The following CLSTN2 variants were observed in gnomAD, a reference collection of about 807,000 sequenced individuals.
CLSTN2 encodes the protein calsyntenin-2.
CLSTN2 carries 48 observed loss-of-function variants against 101.2 expected under a neutral mutation model. The ratio of observed to expected loss-of-function variants is 0.47; its 90% CI spans 0.38 to 0.60. The LOEUF (loss-of-function observed/expected upper bound fraction) is 0.60. CLSTN2 is among the 20% of genes least tolerant of loss of function. The pLI is 0.00. For synonymous variants in CLSTN2, 481 were observed against 463.6 expected, an observed-to-expected ratio of 1.04 and a Z score of -0.48; for missense variants, 1,160 against 1,238.2, an observed-to-expected ratio of 0.94 and a Z score of 0.95.
At chr3:140,288,732 C>A (rs1385449379) in intron 2 of CLSTN2, among the ~76,000 whole-genome samples, 2 of 152,132 alleles carry the variant, frequency 1.3e-5, no homozygotes, top group African/African-American at 2.4e-5. Flanking sequence ...ATGGAATGTT[C>A]CATTAACAAT....
chr3:140,009,594 A>C (rs1188372787), intron 1 of CLSTN2, among the ~76,000 whole-genome samples: 1 of 152,118 alleles, frequency 6.6e-6, no homozygotes. Context: ...TATTTTTCCA[A>C]GTCAATAAAT....
At chr3:140,157,645 TAAC>T (rs2009976635) in intron 1 of CLSTN2, among the ~76,000 whole-genome samples, 1 of 152,240 alleles carries the variant, frequency 6.6e-6, no homozygotes, top group Non-Finnish European at 1.5e-5. Flanking sequence ...TTAATCTGGT[TAAC>T]AATCTATCAG....
At chr3:140,456,386 C>T (rs976341553) in intron 6 of CLSTN2, among the ~76,000 whole-genome samples, 6 of 152,154 alleles carry the variant, frequency 3.9e-5, no homozygotes, top group South Asian at 2.1e-4. Flanking sequence ...CGATATTCAC[C>T]GCGCAGATGA....
chr3:140,377,651 CA>C (rs1212837744), intron 2 of CLSTN2, among the ~76,000 whole-genome samples: 4 of 151,954 alleles, frequency 2.6e-5, no homozygotes, highest in African/African-American at 7.2e-5. Flanking sequence ...AGAAAGAAAA[CA>C]TTTTTTTACA....
intron 4 of CLSTN2, among the ~76,000 whole-genome samples, chr3:140,408,873 A>G (rs2088333359): frequency 6.6e-6 from 1 of 152,198 alleles, no homozygotes; most frequent in Admixed American, 6.5e-5. Flanking sequence ...CACCAGGTCT[A>G]ACAGTTGAAA....
intron 2 of CLSTN2, among the ~76,000 whole-genome samples, chr3:140,345,404 A>G (rs1559844740): frequency 6.6e-6 from 1 of 151,676 alleles, no homozygotes; most frequent in Non-Finnish European, 1.5e-5. Flanking sequence ...GCCTGCCACC[A>G]TGCCCAGCTA....
intron 2 of CLSTN2, among the ~76,000 whole-genome samples, chr3:140,342,268 C>T (rs1339155045): frequency 1.3e-5 from 2 of 152,144 alleles, no homozygotes; most frequent in Non-Finnish European, 2.9e-5. Context: ...GGCCCCTGCC[C>T]ACTAGATGAC....
chr3:140,407,643 TACCAG>T (rs1346647057), intron 4 of CLSTN2, among the ~76,000 whole-genome samples: 27 of 152,332 alleles, frequency 1.8e-4, no homozygotes, highest in African/African-American at 6.3e-4. Context: ...GAGATTTATT[TACCAG>T]GCTTAAATTA....
At chr3:140,267,942 T>TA (rs1443512380) in intron 2 of CLSTN2, among the ~76,000 whole-genome samples, 4 of 152,194 alleles carry the variant, frequency 2.6e-5, no homozygotes, top group African/African-American at 9.6e-5. Context: ...TGTGAAATGA[T>TA]ATTATACCCA....
chr3:140,245,941 C>T (rs6439908), intron 2 of CLSTN2, among the ~76,000 whole-genome samples: 149,485 of 152,238 alleles, frequency 0.98, 73,432 homozygotes, highest in East Asian at 1. Flanking sequence ...ATGTGTATCA[C>T]TGATATTCGT....
At chr3:140,169,969 A>C (rs1363819637) in intron 1 of CLSTN2, among the ~76,000 whole-genome samples, 2 of 152,192 alleles carry the variant, frequency 1.3e-5, no homozygotes, top group Non-Finnish European at 2.9e-5. Context: ...AGAATGAGTA[A>C]TGATGGGATG....
chr3:140,302,083 G>A (rs2087066360), intron 2 of CLSTN2, among the ~76,000 whole-genome samples: 2 of 152,154 alleles, frequency 1.3e-5, no homozygotes, highest in South Asian at 2.1e-4. Context: ...GAACAACATT[G>A]ACATTTAGTT....
intron 2 of CLSTN2, among the ~76,000 whole-genome samples, chr3:140,333,252 C>T (rs1056123395): frequency 5.9e-5 from 9 of 152,174 alleles, no homozygotes; most frequent in African/African-American, 2.2e-4. Context: ...TTCCATGCTA[C>T]CACCAGTGAG....
At chr3:140,456,255 G>A (rs1480384234) in intron 6 of CLSTN2, among the ~76,000 whole-genome samples, 1 of 152,200 alleles carries the variant, frequency 6.6e-6, no homozygotes, top group Admixed American at 6.5e-5. Context: ...CCACTGAGGA[G>A]GTGCAATGGG....
At chr3:139,986,888 G>A (rs1560062543) in intron 1 of CLSTN2, among the ~76,000 whole-genome samples, 1 of 152,162 alleles carries the variant, frequency 6.6e-6, no homozygotes, top group Non-Finnish European at 1.5e-5. Flanking sequence ...AAAGGTGGTG[G>A]AGATGCCTGA....
intron 1 of CLSTN2, among the ~76,000 whole-genome samples, chr3:140,006,381 G>A (rs1193606640): frequency 6.6e-6 from 1 of 152,166 alleles, no homozygotes; most frequent in East Asian, 1.9e-4. Context: ...ACACCTACCA[G>A]GCTTTCTTTA....
intron 16 of CLSTN2, among the ~76,000 whole-genome samples, chr3:140,564,419 C>G (rs1481561134): frequency 1.3e-5 from 2 of 152,204 alleles, no homozygotes; most frequent in Non-Finnish European, 2.9e-5. Context: ...AGCAAGCAAA[C>G]ACCACGAGGT....
chr3:139,994,862 G>A (rs1483878198), intron 1 of CLSTN2, among the ~76,000 whole-genome samples: 1 of 152,226 alleles, frequency 6.6e-6, no homozygotes, highest in East Asian at 1.9e-4. Context: ...CCACTAAGGA[G>A]TTTACAAGAG....
intron 2 of CLSTN2, among the ~76,000 whole-genome samples, chr3:140,202,142 T>C (rs774105429): frequency 1.5e-4 from 23 of 152,042 alleles, no homozygotes; most frequent in Non-Finnish European, 2.9e-4. Flanking sequence ...CTTTGTGAAA[T>C]GGGAGCTACA....
Sources: allele counts gnomAD v4.1 joint callset (sites outside exome capture counted in the v4.1 genomes callset), GRCh38; gene constraint gnomAD v4.1.1; transcripts MANE v1.5; gene names NCBI Gene and HGNC (gene_info 2026-07-23, HGNC 2026-07-21).